PDE4D: variants seen among roughly 807,000 people sequenced by gnomAD.
PDE4D encodes 3',5'-cyclic-AMP phosphodiesterase 4D.
In PDE4D, 24 loss-of-function variants were observed where a neutral mutation model predicts 87.4. The ratio of observed to expected loss-of-function variants is 0.27; its 90% confidence interval spans 0.20 to 0.39. PDE4D has a LOEUF of 0.39. Among genes scored for constraint, PDE4D ranks in the 10% least tolerant of loss-of-function variants. PDE4D has a pLI of 1.00. For missense variants in PDE4D, 714 were observed against 1,041.0 expected, an observed-to-expected ratio of 0.69 and a Z score of 4.32; for synonymous variants, 384 against 383.2, an observed-to-expected ratio of 1.00 and a Z score of -0.02.
chr5:59,329,142 T>A (rs546161103), intron 1 of PDE4D, among the ~76,000 whole-genome samples: 74 of 152,284 alleles, frequency 4.9e-4, no homozygotes, highest in African/African-American at 1.8e-3. Flanking sequence ...TCCAGGATTT[T>A]CCCATAGGCT....
In PDE4D at chr5:60,460,191, A is replaced by G. The variant is rs1225967790; in HGVS notation, c.-90+27751T>C. The G allele has an allele frequency of 8.4e-6, 13 of 1,544,316 alleles. No homozygotes were observed. In the Admixed American group the frequency reaches 1.0e-4, roughly 12 times the overall value. ...TTGAACATTTCATCAAATCCTTTCCAGATGAACATTTCATCAAATCCTTTC... is the reference window on the plus strand; with the variant it reads ...TTGAACATTTCATCAAATCCTTTCCGGATGAACATTTCATCAAATCCTTTC... On this transcript the variant is annotated intron_variant, in intron 1 of 16. Transcript: ENST00000502484.
chr5:59,872,926 T>G (rs1314913665), intron 1 of PDE4D, among the ~76,000 whole-genome samples: 18 of 152,132 alleles, frequency 1.2e-4, no homozygotes, highest in Admixed American at 1.1e-3. Context: ...ATTTTCACCC[T>G]CTTAGATACA....
intron 1 of PDE4D, among the ~76,000 whole-genome samples, chr5:59,884,050 C>T (rs1302235308): frequency 1.3e-5 from 2 of 152,022 alleles, no homozygotes; most frequent in East Asian, 3.9e-4. Context: ...ACAACACATG[C>T]TCATTTTAAA....
chr5:59,477,776 T>C (rs796342868), intron 1 of PDE4D, among the ~76,000 whole-genome samples: 15 of 152,110 alleles, frequency 9.9e-5, no homozygotes, highest in African/African-American at 3.6e-4. Context: ...CTGTTCACAA[T>C]AGCAAAGACA....
chr5:59,551,602 G>T (rs945436539), intron 1 of PDE4D, among the ~76,000 whole-genome samples: 1 of 151,786 alleles, frequency 6.6e-6, no homozygotes, highest in African/African-American at 2.4e-5. Flanking sequence ...TATATTACAT[G>T]ATATATGTTA....
chr5:60,426,735 A>C (rs1743756111), intron 1 of PDE4D, among the ~76,000 whole-genome samples: 1 of 152,208 alleles, frequency 6.6e-6, no homozygotes, highest in Admixed American at 6.5e-5. Flanking sequence ...AAATACAAAC[A>C]AATCTCAAAA....
intron 2 of PDE4D, among the ~76,000 whole-genome samples, chr5:60,170,972 CA>C (rs1783372907): frequency 6.6e-6 from 1 of 151,916 alleles, no homozygotes; most frequent in Non-Finnish European, 1.5e-5. Flanking sequence ...AGTTTGGGAT[CA>C]AAATATGTAT....
intron 2 of PDE4D, among the ~76,000 whole-genome samples, chr5:60,045,530 G>A (rs963249374): frequency 2.0e-5 from 3 of 151,928 alleles, no homozygotes; most frequent in African/African-American, 4.8e-5. Flanking sequence ...ATCTTGAATT[G>A]ATTTTTGTAT....
intron 5 of PDE4D, among the ~76,000 whole-genome samples, chr5:59,052,762 C>T (rs916011399): frequency 6.6e-6 from 1 of 152,142 alleles, no homozygotes; most frequent in Non-Finnish European, 1.5e-5. Context: ...AGAAGGTGGC[C>T]TCCAGGCCAT....
intron 1 of PDE4D, among the ~76,000 whole-genome samples, chr5:60,278,378 T>C (rs2149740123): frequency 6.6e-6 from 1 of 152,294 alleles, no homozygotes; most frequent in South Asian, 2.1e-4. Flanking sequence ...AATTATGAAA[T>C]GGTATGAATT....
rs944762289 is a variant in PDE4D, at chr5:59,305,374, G to C, written c.456-89406C>G. Among the ~76,000 whole-genome samples, 51 of 83,566 alleles carry C rather than the reference G, an allele frequency of 6.1e-4. 1 individual carries two copies. The highest frequency in any genetic ancestry group is 3.6e-3 in the African/African-American group (48 of 13,278). 54.8% of individuals were successfully genotyped at this position (83,566 alleles called of 152,430 possible). ...GTTTCATTTATTTATTTATTTTTTT[G>C]TATGGTTTTTTTTTGTTTCAATTTC... is the stretch of plus-strand genomic sequence containing the variant. On this transcript the variant is annotated intron_variant, in intron 1 of 14. Transcript: ENST00000340635.
At chr5:59,101,898 T>C (rs1770793672) in intron 5 of PDE4D, among the ~76,000 whole-genome samples, 1 of 152,090 alleles carries the variant, frequency 6.6e-6, no homozygotes, top group East Asian at 1.9e-4. Flanking sequence ...CCACTAAGAA[T>C]TGGGGAAGGG....
intron 1 of PDE4D, among the ~76,000 whole-genome samples, chr5:59,810,820 A>G (rs1229377218): frequency 1.3e-5 from 2 of 152,206 alleles, no homozygotes; most frequent in Non-Finnish European, 2.9e-5. Context: ...GTGCATTTTC[A>G]TTTGTGTACT....
intron 1 of PDE4D, among the ~76,000 whole-genome samples, chr5:59,750,546 G>A (rs1760289496): frequency 6.6e-6 from 1 of 152,064 alleles, no homozygotes; most frequent in African/African-American, 2.4e-5. Flanking sequence ...ATACAACTCT[G>A]TAACTCCTTA....
rs193118749 is a variant in PDE4D at position 60,070,671 on chromosome 5, T to C, written c.43-81954A>G. ...TAGTTTTGTTTTCTTGTGGTGCTTT[T>C]GTCTGACTTTAGTATCAGAGTAATG... On this transcript the variant is annotated intron_variant, in intron 2 of 16. Transcript: ENST00000502484. 9.9e-5 allele frequency among the ~76,000 whole-genome samples: 15 copies of C among 152,186 alleles called. No homozygotes were observed. The East Asian group carries it at 2.9e-3, about 29-fold the overall frequency.
intron 5 of PDE4D, among the ~76,000 whole-genome samples, chr5:59,093,078 T>G (rs1281937229): frequency 6.6e-6 from 1 of 152,116 alleles, no homozygotes; most frequent in Non-Finnish European, 1.5e-5. Flanking sequence ...AAAGGAGAGA[T>G]TTCTACTGAT....
intron 1 of PDE4D, among the ~76,000 whole-genome samples, chr5:60,368,559 G>A (rs1039416788): frequency 6.6e-6 from 1 of 152,172 alleles, no homozygotes; most frequent in Non-Finnish European, 1.5e-5. Flanking sequence ...CATTTTCCGT[G>A]AGGGCCAGAA....
chr5:59,288,296 G>A (rs75719162), intron 1 of PDE4D, among the ~76,000 whole-genome samples: 5 of 151,324 alleles, frequency 3.3e-5, no homozygotes, highest in African/African-American at 7.3e-5. Context: ...GTTAAAACAC[G>A]CAACTGACAT....
At chr5:59,767,403 C>G (rs1025400911) in intron 1 of PDE4D, among the ~76,000 whole-genome samples, 1 of 152,052 alleles carries the variant, frequency 6.6e-6, no homozygotes, top group Non-Finnish European at 1.5e-5. Flanking sequence ...GGAATGGCCT[C>G]TACTCAGGCA....
Sources: gnomAD v4.1 joint callset for allele counts (sites outside exome capture counted in the v4.1 genomes callset) on GRCh38, gnomAD v4.1.1 for gene constraint, MANE v1.5 for transcripts, NCBI Gene and HGNC (gene_info 2026-07-23, HGNC 2026-07-21) for gene names.